Variants in SNX30 observed in about 807,000 individuals in gnomAD.
The protein encoded by SNX30 is sorting nexin-30.
A neutral mutation model predicts 46.4 loss-of-function variants in SNX30; 24 were observed. The ratio of observed to expected loss-of-function variants is 0.52; its 90% confidence interval spans 0.37 to 0.73. The LOEUF (loss-of-function observed/expected upper bound fraction) is 0.73. Among genes scored for constraint, SNX30 ranks in the 30% least tolerant of loss-of-function variants. SNX30 has a pLI of 0.00. For synonymous variants in SNX30, 189 were observed against 211.5 expected (o/e 0.89, Z 0.92); for missense variants, 533 against 555.7 (o/e 0.96, Z 0.41).
intron 1 of SNX30, among the ~76,000 whole-genome samples, chr9:112,756,435 CTTTTTTTTTTTTTT>C (rs61338659): frequency 3.0e-5 from 2 of 67,404 alleles, no homozygotes; most frequent in Non-Finnish European, 5.0e-5. Context: ...TGTAATCATC[CTTTTTTTTTTTTTT>C]TTTTTTTTTT....
At chr9:112,810,553 G>A (rs1161654869) in intron 2 of SNX30, among the ~76,000 whole-genome samples, 2 of 152,212 alleles carry the variant, frequency 1.3e-5, no homozygotes, top group Middle Eastern at 3.2e-3. Flanking sequence ...AACCAAGGAT[G>A]TTGGGAAGAG....
At chr9:112,852,625 C>G (rs908167349) in intron 7 of SNX30, among the ~76,000 whole-genome samples, 1 of 152,122 alleles carries the variant, frequency 6.6e-6, no homozygotes, top group Admixed American at 6.5e-5. Context: ...GATGAGCAAA[C>G]CAAGGCCCAC....
Position 112,866,825 on chromosome 9 carries a change from T to TTCCTCCCACCTCCTCAGAAC in SNX30, c.1255-1912_1255-1893dup, listed in dbSNP as rs1162681385. Among the ~76,000 whole-genome samples, 3 of 27,786 alleles carry TTCCTCCCACCTCCTCAGAAC rather than the reference T, an allele frequency of 1.1e-4. No individual in the cohort carries two copies. In the East Asian group the frequency reaches 3.6e-3, roughly 33 times the overall value. The allele number at this position is 27,786 out of a possible 152,430, so 18.2% of individuals were successfully genotyped here. ...CTCCTCAGAACTCCCCCCATTAGAATTCCTCCCACCTCCTCAGAACTCCTC... is the reference window on the plus strand; with the variant it reads ...CTCCTCAGAACTCCCCCCATTAGAATTCCTCCCACCTCCTCAGAACTCCTCCCACCTCCTCAGAACTCCTC... On this transcript the variant is annotated intron_variant, in intron 8 of 8. Coordinates refer to ENST00000374232, the MANE Select transcript of SNX30 (RefSeq NM_001012994.2).
intron 2 of SNX30, among the ~76,000 whole-genome samples, chr9:112,815,652 C>T (rs1588125541): frequency 2.0e-5 from 3 of 152,162 alleles, no homozygotes; most frequent in East Asian, 1.9e-4. Context: ...TGAGCCACTG[C>T]GCCCAGCCAA....
chr9:112,807,558 A>AT (rs937255550), intron 2 of SNX30, among the ~76,000 whole-genome samples: 3 of 151,980 alleles, frequency 2.0e-5, no homozygotes, highest in African/African-American at 7.3e-5. Flanking sequence ...CCATTTATTT[A>AT]TTTTTTTCTA....
intron 5 of SNX30, among the ~76,000 whole-genome samples, chr9:112,836,719 G>A (rs1051630387): frequency 2.0e-5 from 3 of 152,312 alleles, no homozygotes; most frequent in Middle Eastern, 3.4e-3. Flanking sequence ...AGACTCAACT[G>A]CCCTTCATCC....
chr9:112,826,359 C>T (rs890524167), intron 3 of SNX30, among the ~76,000 whole-genome samples: 1 of 152,038 alleles, frequency 6.6e-6, no homozygotes, highest in African/African-American at 2.4e-5. Flanking sequence ...CAATGGGATA[C>T]AGTGAAGTCG....
intron 1 of SNX30, among the ~76,000 whole-genome samples, chr9:112,789,561 T>G (rs894598295): frequency 1.3e-5 from 2 of 152,248 alleles, no homozygotes; most frequent in African/African-American, 4.8e-5. Flanking sequence ...ATTCGGTGTT[T>G]AGTATATGCT....
intron 1 of SNX30, among the ~76,000 whole-genome samples, chr9:112,763,845 C>CT (rs1453200190): frequency 1.2e-4 from 15 of 123,590 alleles, no homozygotes; most frequent in Non-Finnish European, 1.8e-4. Flanking sequence ...GAGACTCTGA[C>CT]TAAAAAAAAA....
chr9:112,760,767 T>G (rs942040609), intron 1 of SNX30, among the ~76,000 whole-genome samples: 28 of 152,186 alleles, frequency 1.8e-4, no homozygotes, highest in African/African-American at 6.5e-4. Flanking sequence ...GACCTTAAAA[T>G]ATGACTTGAA....
intron 6 of SNX30, among the ~76,000 whole-genome samples, chr9:112,848,443 G>A (rs1055731333): frequency 1.3e-4 from 20 of 152,276 alleles, no homozygotes; most frequent in East Asian, 9.7e-4. Flanking sequence ...AACCTTCAGC[G>A]TGGTTGGATT....
chr9:112,844,685 G>A (rs747603121), intron 6 of SNX30, among the ~76,000 whole-genome samples: 2 of 152,224 alleles, frequency 1.3e-5, no homozygotes, highest in Non-Finnish European at 2.9e-5. Context: ...TATAGACATC[G>A]TTGGTGATCG....
intron 2 of SNX30, among the ~76,000 whole-genome samples, chr9:112,814,595 T>C (rs1187746972): frequency 1.3e-5 from 2 of 152,202 alleles, no homozygotes; most frequent in African/African-American, 2.4e-5. Flanking sequence ...ACTTTTCTTC[T>C]TTTGGCCAAT....
At chr9:112,768,845 A>G (rs1839596955) in intron 1 of SNX30, among the ~76,000 whole-genome samples, 1 of 151,648 alleles carries the variant, frequency 6.6e-6, no homozygotes, top group Non-Finnish European at 1.5e-5. Flanking sequence ...TTTAGTAGAG[A>G]TGGGTTTCAC....
rs576878806 is a variant in SNX30, at chr9:112,841,108, C to T, written c.1014+2411C>T. Among the ~76,000 whole-genome samples the T allele has an allele frequency of 7.9e-5, 12 of 152,296 alleles. No homozygotes were observed. The South Asian group carries it at 2.3e-3, about 29-fold the overall frequency. On this transcript the variant is annotated intron_variant, in intron 6 of 8. Coordinates refer to ENST00000374232, the MANE Select transcript of SNX30 (RefSeq NM_001012994.2). ...AAGTTTTTACAATTCCTGGAGTGTC[C>T]GTGGATTTGTCTCTTATGTATACAC...
At chr9:112,805,826 A>G (rs566756544) in intron 2 of SNX30, among the ~76,000 whole-genome samples, 6 of 152,348 alleles carry the variant, frequency 3.9e-5, no homozygotes, top group East Asian at 3.9e-4. Context: ...AGATGAAGAA[A>G]TAGAGGTGGA....
At chr9:112,787,329 A>G (rs992021620) in intron 1 of SNX30, among the ~76,000 whole-genome samples, 5 of 152,182 alleles carry the variant, frequency 3.3e-5, no homozygotes, top group African/African-American at 9.7e-5. Flanking sequence ...TGTGGAAGGA[A>G]GTATGACCTA....
downstream of SNX30, chr9:112,879,552 G>C (rs902597936): frequency 3.7e-6 from 2 of 535,870 alleles, no homozygotes; most frequent in South Asian, 5.2e-5. Context: ...GTGTCTTAAA[G>C]CTGAGAACGT....
chr9:112,852,429 T>A (rs1375393763), intron 7 of SNX30, among the ~76,000 whole-genome samples: 1 of 152,144 alleles, frequency 6.6e-6, no homozygotes. Context: ...CTACATGATT[T>A]TATGTAAGGG....
Sources: allele counts gnomAD v4.1 joint callset (sites outside exome capture counted in the v4.1 genomes callset), GRCh38; gene constraint gnomAD v4.1.1; transcripts MANE v1.5; gene names NCBI Gene and HGNC (gene_info 2026-07-23, HGNC 2026-07-21).